EPN3: variants seen among roughly 807,000 people sequenced by gnomAD.
EPN3 encodes epsin 3.
EPN3 carries 56 observed loss-of-function variants against 55.5 expected under a neutral mutation model. That is an observed-to-expected ratio of 1.01 (90% CI 0.81 to 1.26). EPN3 has a LOEUF of 1.26. EPN3 is among the 50% of genes most tolerant of loss of function. The pLI is 0.00. For missense variants in EPN3, 927 were observed against 853.4 expected, an observed-to-expected ratio of 1.09 and a Z score of -1.07; for synonymous variants, 449 against 375.2, an observed-to-expected ratio of 1.20 and a Z score of -2.27.
Position 50,542,079 on chromosome 17 carries a change from G to C in EPN3, c.1821G>C (p.Pro607=). 6.3e-7 allele frequency: 1 copy of C among 1,578,002 alleles called. No individual in the cohort carries two copies. The highest frequency in any genetic ancestry group is 8.5e-7 in the Non-Finnish European group (1 of 1,171,896). ...SVFPQAGAFA[P]QPLLPTPSSA... ...TCCCGCAGGCCGGAGCCTTCGCACCGCAGCCGCTGCTGCCCACGCCGAGCT... is the reference window on the plus strand; with the variant it reads ...TCCCGCAGGCCGGAGCCTTCGCACCCCAGCCGCTGCTGCCCACGCCGAGCT... Residue 607 remains proline, a synonymous_variant, in exon 10 of 10, where the codon CCG becomes CCC. Transcript: ENST00000268933.
At position 50,541,915 on chromosome 17, in the gene EPN3, C is replaced by G; in HGVS notation, c.1657C>G (p.Arg553Gly). Residue 553 changes from arginine to glycine, a missense_variant, in exon 10 of 10, where the codon CGC becomes GGC. Transcript: ENST00000268933. ...GGGCAGGCCGACGCTAAACCAGATG[C>G]GCACCGGCTCGCCGGCGCTGGGCCT... Reference protein sequence around the residue: ...EPGRPTLNQMRTGSPALGLAG... With the variant: ...EPGRPTLNQMGTGSPALGLAG... 6.2e-7 allele frequency: 1 copy of G among 1,601,868 alleles called. No individual in the cohort carries two copies. The highest frequency in any genetic ancestry group is 1.7e-4 in the Middle Eastern group (1 of 6,054).
chr17:50,540,860 C>A lies in EPN3; in HGVS notation c.1047C>A (p.Ile349=). The change falls in exon 7 of 10, where the codon ATC becomes ATA. Residue 349 remains isoleucine, a synonymous_variant. Coordinates refer to ENST00000268933, the MANE Select transcript of EPN3 (RefSeq NM_017957.3). ...CTTCTGCAGACCCCTGGTCTCCGAT[C>A]CCCTCAGGAACCGTCCTGTCCCGAA... ...WGPSADPWSP[I]PSGTVLSRSQ... 6.2e-7 allele frequency: 1 copy of A among 1,614,158 alleles called. No individual in the cohort carries two copies. Among genetic ancestry groups the A allele is most frequent in the Non-Finnish European group, 8.5e-7 (1 of 1,180,006 alleles).
At chr17:50,539,789 G>C (rs1409560741) in intron 5 of EPN3, among the ~76,000 whole-genome samples, 1 of 152,258 alleles carries the variant, frequency 6.6e-6, no homozygotes, top group African/African-American at 2.4e-5. Context: ...CTCCAAAGCT[G>C]TCCATGCCAC....
chr17:50,537,966 C>T (rs1322131130), intron 2 of EPN3, 113 bp from the exon 3 acceptor site: 8 of 882,242 alleles, frequency 9.1e-6, no homozygotes, highest in East Asian at 2.5e-5. Context: ...GGGGCCTCAA[C>T]GGCCGTTGTT....
intron 1 of EPN3, among the ~76,000 whole-genome samples, chr17:50,535,557 C>T (rs2034747092): frequency 6.7e-6 from 1 of 149,734 alleles, no homozygotes; most frequent in Non-Finnish European, 1.5e-5. Context: ...CTGGTTCACT[C>T]CTCCTTACTC....
chr17:50,538,846 G>A, intron 3 of EPN3, 38 bp from the exon 4 acceptor site: 1 of 1,498,452 alleles, frequency 6.7e-7, no homozygotes, highest in Non-Finnish European at 9.0e-7. Flanking sequence ...CCCAAGGTGG[G>A]GGTACAGGGC....
chr17:50,538,995 G>A (rs769936049), intron 4 of EPN3, 31 bp downstream of exon 4: 32 of 1,502,424 alleles, frequency 2.1e-5, no homozygotes, highest in Non-Finnish European at 2.7e-5. Flanking sequence ...GGCTGCCGGT[G>A]CTGCTGCTGC....
intron 1 of EPN3, chr17:50,534,347 C>A: frequency 1.1e-6 from 1 of 927,590 alleles, no homozygotes; most frequent in Non-Finnish European, 1.3e-6. Context: ...CTCCCAGAGG[C>A]TGGTGCCCCC....
intron 1 of EPN3, chr17:50,534,737 A>G (rs2034733737): frequency 1.2e-6 from 1 of 830,292 alleles, no homozygotes; most frequent in Non-Finnish European, 1.5e-6. Flanking sequence ...AAACCTGCCA[A>G]GGCATGTTTT....
rs149276132 is a variant in EPN3 at position 50,541,572 on chromosome 17, A to T, written c.1463A>T (p.Lys488Ile). The T allele has an allele frequency of 8.2e-5, 132 of 1,614,082 alleles. 1 individual carries two copies. Among genetic ancestry groups the T allele is most frequent in the Middle Eastern group, 6.6e-4 (4 of 6,060 alleles). ...GGGGAAGCACTAACCCAGCCAAGCA[A>T]AGAGGCCCGAGCTTGCCGGACTCCC... is the stretch of plus-strand genomic sequence containing the variant. ...ILGEALTQPS[K>I]EARACRTPES... The change falls in exon 9 of 10, where the codon AAA (lysine) becomes ATA (isoleucine). Residue 488 changes from lysine (K) to isoleucine (I), a missense_variant. Physicochemically the swap from Lys to Ile is moderately radical, Grantham distance 102 (BLOSUM62 -3). Coordinates refer to ENST00000268933, the MANE Select transcript of EPN3 (RefSeq NM_017957.3).
rs755817861 is a variant in EPN3, at chr17:50,536,776, G to A, written c.220G>A (p.Val74Met). The change falls in exon 2 of 10, where the codon GTG (valine) becomes ATG (methionine). Residue 74 changes from valine (V) to methionine (M), a missense_variant. Physicochemically the swap from Val to Met is conservative, Grantham distance 21. Transcript: ENST00000268933. Reference protein sequence around the residue: ...LNDSGKNWRHVYKALTLLDYL... With the variant: ...LNDSGKNWRHMYKALTLLDYL... ...TGACAGCGGCAAGAACTGGCGGCAC[G>A]TGTACAAGGCTCTAACATTGCTGGA... 1.5e-5 allele frequency: 24 copies of A among 1,614,048 alleles called. No individual in the cohort carries two copies. Among genetic ancestry groups the A allele is most frequent in the East Asian group, 6.7e-5 (3 of 44,890 alleles).
chr17:50,540,311 C>T lies in EPN3; in HGVS notation c.956C>T (p.Ser319Phe), dbSNP rs2144037568. 1 of 1,612,342 alleles carries T rather than the reference C, an allele frequency of 6.2e-7. No homozygotes were observed. The highest frequency in any genetic ancestry group is 8.5e-7 in the Non-Finnish European group (1 of 1,179,948). The change falls in exon 6 of 10, where the codon TCT (serine) becomes TTT (phenylalanine). Residue 319 changes from serine to phenylalanine, a missense_variant. Coordinates refer to ENST00000268933, the MANE Select transcript of EPN3 (RefSeq NM_017957.3). ...CTGGCCCCGCCCTCCACACACTGCT[C>T]TGCTGACCCATGGGACATCCCAGGT... is the stretch of plus-strand genomic sequence containing the variant. ...PALAPPSTHC[S>F]ADPWDIPGFR...
At position 50,536,713 on chromosome 17, in the gene EPN3, T is replaced by C. The variant is rs1156553712; in HGVS notation, c.157T>C (p.Phe53Leu). 6.2e-7 allele frequency: 1 copy of C among 1,614,100 alleles called. No homozygotes were observed. Among genetic ancestry groups the C allele is most frequent in the Non-Finnish European group, 8.5e-7 (1 of 1,180,034 alleles). The part of the protein sequence containing the change: ...IADLTFNTVA[F>L]TEVMGMLWRR... ...TGACCTGACCTTCAACACAGTGGCC[T>C]TCACCGAAGTCATGGGCATGCTGTG... The change falls in exon 2 of 10, where the codon TTC (phenylalanine) becomes CTC (leucine). Residue 53 changes from phenylalanine to leucine, a missense_variant. Phe to Leu is a conservative substitution (Grantham distance 22). Coordinates refer to ENST00000268933, the MANE Select transcript of EPN3 (RefSeq NM_017957.3).
rs2034860611 is a variant in EPN3, at chr17:50,542,211, GC to G, written c.*56del. On this transcript the variant is annotated 3_prime_UTR_variant, in exon 10 of 10. Transcript: ENST00000268933. Reference sequence around the variant, plus strand: ...CCTGCGCCGGACGCTCCGCGGCCCCGCCTCCGGACCCGGGGCTGGGCGGGGC... The same window carrying G: ...CCTGCGCCGGACGCTCCGCGGCCCCGCTCCGGACCCGGGGCTGGGCGGGGC... The G allele has an allele frequency of 7.1e-7, 1 of 1,409,778 alleles. No homozygotes were observed. Among genetic ancestry groups the G allele is most frequent in the African/African-American group, 1.5e-5 (1 of 65,938 alleles). 87.3% of individuals were successfully genotyped at this position (1,409,778 alleles called of 1,614,324 possible). A position where few individuals can be genotyped will look rare whatever the true frequency, so the allele number is the denominator to read the frequency against.
rs1567904684 is a variant in EPN3, at chr17:50,539,219, C to G, written c.795C>G (p.Pro265=). ...GGTCCTGGCAGGGTGATGGCTCCCC[C>G]ATGGCCAATGGTGCAGGGGCCGTGG... ...EVRSWQGDGS[P]MANGAGAVVH... is the part of the protein sequence containing the mutation. The change falls in exon 5 of 10, where the codon CCC becomes CCG. Residue 265 remains proline (P), a synonymous_variant. Coordinates refer to ENST00000268933, the MANE Select transcript of EPN3 (RefSeq NM_017957.3). The G allele has an allele frequency of 3.7e-6, 6 of 1,614,030 alleles. No homozygotes were observed. The highest frequency in any genetic ancestry group is 1.7e-4 in the Middle Eastern group (1 of 6,050).
chr17:50,543,411 A>G lies in EPN3; in HGVS notation c.*1254A>G, dbSNP rs1027817963. ...CCACCCTCGCCTGTTTTTCTTCTCA[A>G]TGCTCCCTGATCACTGGACCACTGG... On this transcript the variant is annotated 3_prime_UTR_variant, in exon 10 of 10. Coordinates refer to ENST00000268933, the MANE Select transcript of EPN3 (RefSeq NM_017957.3). The G allele has an allele frequency of 2.6e-5, 4 of 152,176 alleles. No homozygotes were observed. The highest frequency in any genetic ancestry group is 4.8e-5 in the African/African-American group (2 of 41,450). 9.4% of individuals were successfully genotyped at this position (152,176 alleles called of 1,614,324 possible).
At chr17:50,539,027 G>A (rs2034807070) in intron 4 of EPN3, 63 bp downstream of exon 4, 1 of 1,543,588 alleles carries the variant, frequency 6.5e-7, no homozygotes, top group African/African-American at 1.4e-5. Context: ...GTGCTTCAGG[G>A]CACTAACAGC....
intron 4 of EPN3, 32 bp downstream of exon 4, chr17:50,538,996 C>A: frequency 1.3e-6 from 2 of 1,494,524 alleles, no homozygotes; most frequent in Non-Finnish European, 1.8e-6. Context: ...GCTGCCGGTG[C>A]TGCTGCTGCT....
chr17:50,534,546 G>C (rs1192550205), intron 1 of EPN3: 1 of 985,408 alleles, frequency 1.0e-6, no homozygotes, highest in African/African-American at 1.7e-5. Context: ...GTGAAGGCAG[G>C]TCTGAGTCAC....
Sources: allele counts gnomAD v4.1 joint callset (sites outside exome capture counted in the v4.1 genomes callset), GRCh38; gene constraint gnomAD v4.1.1; transcripts MANE v1.5; gene names NCBI Gene and HGNC (gene_info 2026-07-23, HGNC 2026-07-21).